RALYL: variants seen among roughly 807,000 people sequenced by gnomAD.
The protein encoded by RALYL is RALY RNA binding protein like, also known as RNA-binding Raly-like protein.
Under a neutral mutation model 35.1 loss-of-function variants are expected in RALYL, and 29 were observed. The ratio of observed to expected loss-of-function variants is 0.83; its 90% CI spans 0.61 to 1.13. The LOEUF (loss-of-function observed/expected upper bound fraction) is 1.13, where lower values mean the gene tolerates loss of function less well. Among genes scored for constraint, RALYL ranks in the 50% most tolerant of loss-of-function variants. The pLI is 0.00. For missense variants in RALYL, 359 were observed against 360.4 expected (o/e 1.00, Z 0.03); for synonymous variants, 120 against 127.6 (o/e 0.94, Z 0.40).
intron 1 of RALYL, among the ~76,000 whole-genome samples, chr8:84,451,976 T>G (rs1020966613): frequency 2.0e-5 from 3 of 151,962 alleles, no homozygotes; most frequent in Non-Finnish European, 4.4e-5. Context: ...GCCCTGATAT[T>G]TCAGTGAACA....
chr8:84,291,172 A>T (rs925656066), intron 1 of RALYL, among the ~76,000 whole-genome samples: 1 of 152,194 alleles, frequency 6.6e-6, no homozygotes, highest in Non-Finnish European at 1.5e-5. Context: ...GAAGTAAGGG[A>T]AAAGAGGACG....
intron 1 of RALYL, among the ~76,000 whole-genome samples, chr8:84,515,652 G>T (rs1301516978): frequency 1.3e-5 from 2 of 152,012 alleles, no homozygotes; most frequent in Admixed American, 1.3e-4. Flanking sequence ...GATTTAGATT[G>T]TTGGTCTTGC....
chr8:84,505,054 T>C (rs1307760937), intron 1 of RALYL, among the ~76,000 whole-genome samples: 1 of 152,130 alleles, frequency 6.6e-6, no homozygotes, highest in Non-Finnish European at 1.5e-5. Flanking sequence ...GTCCCAAATT[T>C]AGTATCAGCA....
intron 1 of RALYL, among the ~76,000 whole-genome samples, chr8:84,428,279 G>T (rs1213335447): frequency 6.6e-6 from 1 of 152,080 alleles, no homozygotes; most frequent in Non-Finnish European, 1.5e-5. Flanking sequence ...TAGATAAAAA[G>T]ATAATCAAAG....
At chr8:84,280,559 A>C (rs1186442189) in intron 1 of RALYL, among the ~76,000 whole-genome samples, 1 of 151,794 alleles carries the variant, frequency 6.6e-6, no homozygotes, top group Non-Finnish European at 1.5e-5. Flanking sequence ...TTAGTAATAT[A>C]TTTTTATTTC....
At chr8:84,292,506 C>G (rs1332998191) in intron 1 of RALYL, among the ~76,000 whole-genome samples, 2 of 152,030 alleles carry the variant, frequency 1.3e-5, no homozygotes, top group Non-Finnish European at 2.9e-5. Context: ...GGCTGCATTC[C>G]CAGATGGTTA....
chr8:84,211,671 G>A (rs764818339), intron 1 of RALYL, among the ~76,000 whole-genome samples: 1 of 152,116 alleles, frequency 6.6e-6, no homozygotes, highest in African/African-American at 2.4e-5. Context: ...GATGAATGGT[G>A]ATGAATTCCA....
chr8:84,209,782 A>T (rs562357804), intron 1 of RALYL, among the ~76,000 whole-genome samples: 20 of 152,184 alleles, frequency 1.3e-4, no homozygotes, highest in African/African-American at 4.8e-4. Context: ...TAGATTTGGC[A>T]TTCAAGTATA....
rs1481265344 is a variant in RALYL at position 84,311,090 on chromosome 8, A to ATATATAT, written c.-24+126666_-24+126667insTATATAT. Among the ~76,000 whole-genome samples the ATATATAT allele has an allele frequency of 3.0e-5, 3 of 99,770 alleles. No homozygotes were observed. In the East Asian group the frequency reaches 1.1e-3, roughly 35 times the overall value. The allele number at this position is 99,770 out of a possible 152,430, so 65.5% of individuals were successfully genotyped here. A position where few individuals can be genotyped will look rare whatever the true frequency, so the allele number is the denominator to read the frequency against. On this transcript the variant is annotated intron_variant, in intron 1 of 8. Coordinates refer to ENST00000521268, the MANE Select transcript of RALYL (RefSeq NM_173848.7). ...AAAAAAAAAAAAAAAAAAAAAAAAA[A>ATATATAT]ATGTATATTAATGTATAGTATAAAT...
chr8:84,235,942 T>A (rs1277340967), intron 1 of RALYL, among the ~76,000 whole-genome samples: 1 of 151,864 alleles, frequency 6.6e-6, no homozygotes, highest in Non-Finnish European at 1.5e-5. Flanking sequence ...AATTTTTGTA[T>A]TTTTAGTAGA....
chr8:84,841,485 A>G (rs1478600303), intron 4 of RALYL, among the ~76,000 whole-genome samples: 2 of 152,210 alleles, frequency 1.3e-5, no homozygotes, highest in African/African-American at 4.8e-5. Context: ...TTAGAGACCT[A>G]CAAAGAGACT....
chr8:84,194,535 C>T (rs2130913725), intron 1 of RALYL, among the ~76,000 whole-genome samples: 1 of 152,050 alleles, frequency 6.6e-6, no homozygotes, highest in Middle Eastern at 3.4e-3. Context: ...TTTTCAAAAC[C>T]AAGGAAATGA....
At chr8:84,620,396 G>C (rs1480861375) in intron 2 of RALYL, among the ~76,000 whole-genome samples, 1 of 151,936 alleles carries the variant, frequency 6.6e-6, no homozygotes, top group Non-Finnish European at 1.5e-5. Context: ...CGGCTCCTGA[G>C]GCTTCTGCAT....
intron 1 of RALYL, among the ~76,000 whole-genome samples, chr8:84,456,551 A>AG (rs1178435989): frequency 2.0e-5 from 3 of 151,802 alleles, no homozygotes; most frequent in East Asian, 2.0e-4. Context: ...AGAAAAAAAA[A>AG]GGTGAATGAA....
At chr8:84,888,546 G>T (rs562614664) in intron 8 of RALYL, among the ~76,000 whole-genome samples, 1 of 152,070 alleles carries the variant, frequency 6.6e-6, no homozygotes, top group Non-Finnish European at 1.5e-5. Context: ...AATATCTATG[G>T]ACTGATCATG....
intron 1 of RALYL, among the ~76,000 whole-genome samples, chr8:84,390,155 C>T (rs1477202458): frequency 6.6e-6 from 1 of 152,020 alleles, no homozygotes; most frequent in Non-Finnish European, 1.5e-5. Context: ...TATTGATTTG[C>T]ATATATTGAA....
At chr8:84,657,036 A>G (rs1830080875) in intron 2 of RALYL, among the ~76,000 whole-genome samples, 2 of 152,308 alleles carry the variant, frequency 1.3e-5, no homozygotes, top group South Asian at 4.1e-4. Context: ...CCCACATTAC[A>G]TGAGTATAAG....
intron 2 of RALYL, among the ~76,000 whole-genome samples, chr8:84,592,963 T>C (rs544848828): frequency 1.3e-5 from 2 of 152,230 alleles, no homozygotes; most frequent in African/African-American, 4.8e-5. Flanking sequence ...ACAGGCTTCT[T>C]TGGGTGAATA....
chr8:84,363,694 G>A lies in RALYL; in HGVS notation c.-23-165605G>A, dbSNP rs148663253. On this transcript the variant is annotated intron_variant, in intron 1 of 8. Transcript: ENST00000521268. ...GAGGTATGAGGAGGGGTTGGGAAGC[G>A]TAAAAACGGATGAATAAGGAAGGCA... 8.4e-4 allele frequency among the ~76,000 whole-genome samples: 128 copies of A among 152,260 alleles called. 1 individual carries two copies. The East Asian group carries it at 0.019, about 23-fold the overall frequency.
Sources: allele counts gnomAD v4.1 joint callset (sites outside exome capture counted in the v4.1 genomes callset), GRCh38; gene constraint gnomAD v4.1.1; transcripts MANE v1.5; gene names NCBI Gene and HGNC (gene_info 2026-07-23, HGNC 2026-07-21).